GBA1: variants seen among roughly 807,000 people sequenced by gnomAD.
The protein encoded by GBA1 is lysosomal acid glucosylceramidase.
chr1:155,237,709 G>C, the GBA1 span: 1 of 1,538,740 alleles, frequency 6.5e-7, no homozygotes, highest in Admixed American at 2.0e-5. Flanking sequence ...TCAGGAGTTC[G>C]AGAACAGCCT....
chr1:155,244,241 A>G, the GBA1 span: 2 of 151,892 alleles, frequency 1.3e-5, no homozygotes, highest in African/African-American at 4.8e-5. Context: ...CTACTAAAAG[A>G]TACAAAAAAT....
the GBA1 span, chr1:155,235,892 C>A: frequency 6.2e-6 from 10 of 1,612,180 alleles, no homozygotes; most frequent in Non-Finnish European, 7.6e-6. Flanking sequence ...CACTGGGGGT[C>A]CCCAGAGAGT....
At chr1:155,237,220 C>A in the GBA1 span, 1 of 1,554,792 alleles carries the variant, frequency 6.4e-7, no homozygotes, top group Non-Finnish European at 8.7e-7. Context: ...CCCTGGAGGT[C>A]CAGGGGAATG....
At chr1:155,236,354 T>C in the GBA1 span, 6 of 1,614,100 alleles carry the variant, frequency 3.7e-6, no homozygotes, top group Non-Finnish European at 4.2e-6. Flanking sequence ...GAGCATGGTG[T>C]TGGGGAACAG....
At chr1:155,236,741 C>T in the GBA1 span, among the ~76,000 whole-genome samples, 1 of 151,344 alleles carries the variant, frequency 6.6e-6, no homozygotes, top group African/African-American at 2.4e-5. Context: ...GGGTGCCACA[C>T]CCAGCTAATT....
chr1:155,242,607 G>T, the GBA1 span, among the ~76,000 whole-genome samples: 1 of 143,286 alleles, frequency 7.0e-6, no homozygotes, highest in Non-Finnish European at 1.5e-5. Context: ...CTTCTTCTAG[G>T]TTCCTCCAGT....
At chr1:155,236,499 C>A in the GBA1 span, 46 of 1,550,792 alleles carry the variant, frequency 3.0e-5, no homozygotes, top group East Asian at 1.0e-3. Context: ...GATCCTGGAC[C>A]TTGCACACAG....
chr1:155,242,201 A>G, the GBA1 span, among the ~76,000 whole-genome samples: 1 of 152,104 alleles, frequency 6.6e-6, no homozygotes, highest in Non-Finnish European at 1.5e-5. Context: ...CCTGGGAACT[A>G]CTTGTCTCTT....
the GBA1 span, among the ~76,000 whole-genome samples, chr1:155,237,146 A>T: frequency 6.6e-6 from 1 of 152,040 alleles, no homozygotes; most frequent in East Asian, 1.9e-4. Context: ...CTGGGTTTGC[A>T]TGAGTGAGCC....
the GBA1 span, chr1:155,238,831 G>T: frequency 6.0e-6 from 4 of 668,288 alleles, no homozygotes; most frequent in Admixed American, 2.6e-5. Context: ...GCCTGAGTCC[G>T]TAGCAGTTAG....
chr1:155,241,172 G>C, the GBA1 span: 1 of 1,541,726 alleles, frequency 6.5e-7, no homozygotes, highest in Non-Finnish European at 9.0e-7. Flanking sequence ...CTGAAGGATA[G>C]AGGATCCACT....
chr1:155,241,775 T>G, the GBA1 span, among the ~76,000 whole-genome samples: 1 of 152,106 alleles, frequency 6.6e-6, no homozygotes, highest in Non-Finnish European at 1.5e-5. Context: ...GGGGGGTTAT[T>G]AGCCAGTGAA....
chr1:155,241,085 C>A, the GBA1 span: 1 of 1,613,746 alleles, frequency 6.2e-7, no homozygotes, highest in Non-Finnish European at 8.5e-7. Context: ...CTCTCTCTTA[C>A]CTCTCTGGAA....
the GBA1 span, chr1:155,238,201 C>A: frequency 6.2e-7 from 1 of 1,614,208 alleles, no homozygotes; most frequent in East Asian, 2.2e-5. Flanking sequence ...GACCCCTTCC[C>A]ATTCACCGCT....
At chr1:155,238,956 C>T in the GBA1 span, 6 of 394,258 alleles carry the variant, frequency 1.5e-5, no homozygotes, top group South Asian at 2.1e-5. Context: ...CAGTGGCTCA[C>T]GCATGTAATC....
chr1:155,235,211 C>T, the GBA1 span: 14 of 1,613,270 alleles, frequency 8.7e-6, no homozygotes, highest in African/African-American at 5.4e-5. Flanking sequence ...AGCACGACCA[C>T]AACAGCAGAG....
the GBA1 span, chr1:155,240,086 G>C: frequency 1.9e-6 from 3 of 1,612,468 alleles, no homozygotes; most frequent in Non-Finnish European, 2.5e-6. Flanking sequence ...ACCTGGGAGG[G>C]AGGGAGTACA....
chr1:155,236,373 T>C, the GBA1 span: 2 of 1,614,024 alleles, frequency 1.2e-6, no homozygotes, highest in South Asian at 2.2e-5. Flanking sequence ...AGGCGGTGTG[T>C]CTCCCCTAGG....
At chr1:155,237,236 C>T in the GBA1 span, 2 of 1,582,096 alleles carry the variant, frequency 1.3e-6, no homozygotes, top group Non-Finnish European at 1.7e-6. Context: ...GAATGGTGCT[C>T]TAGGAATCCA....
Sources: gnomAD v4.1 joint callset for allele counts (sites outside exome capture counted in the v4.1 genomes callset) on GRCh38, gnomAD v4.1.1 for gene constraint, MANE v1.5 for transcripts, NCBI Gene and HGNC (gene_info 2026-07-23, HGNC 2026-07-21) for gene names.